TMEM232: variants seen among roughly 807,000 people sequenced by gnomAD.
TMEM232 encodes the protein transmembrane protein 232.
A neutral mutation model predicts 78.8 loss-of-function variants in TMEM232; 80 were observed. That is an observed-to-expected ratio of 1.01 (90% CI 0.85 to 1.22). The LOEUF is 1.22. Ranked by LOEUF, TMEM232 falls within the 50% of genes most tolerant of loss-of-function variation. The probability of loss-of-function intolerance (pLI) is 0.00; values close to 1 mark genes in which losing one functional copy is unlikely to be tolerated. For synonymous variants in TMEM232, 297 were observed against 254.3 expected (o/e 1.17, Z -1.60); for missense variants, 881 against 742.2 (o/e 1.19, Z -2.17).
At chr5:110,677,266 G>C (rs997057505) in intron 1 of TMEM232, among the ~76,000 whole-genome samples, 1 of 150,746 alleles carries the variant, frequency 6.6e-6, no homozygotes, top group Non-Finnish European at 1.5e-5. Flanking sequence ...TGAGTTGTTT[G>C]AGTCCCTTAA....
intron 12 of TMEM232, among the ~76,000 whole-genome samples, chr5:110,526,115 G>T (rs1770561215): frequency 6.7e-6 from 1 of 149,190 alleles, no homozygotes; most frequent in African/African-American, 2.5e-5. Context: ...GATAATATTG[G>T]TCACATTTTG....
chr5:110,657,856 A>G (rs1789293347), intron 2 of TMEM232, among the ~76,000 whole-genome samples: 2 of 152,164 alleles, frequency 1.3e-5, no homozygotes, highest in Non-Finnish European at 2.9e-5. Flanking sequence ...GCTAATCAAT[A>G]TATAGAGAAA....
intron 2 of TMEM232, among the ~76,000 whole-genome samples, chr5:110,653,808 T>C (rs1245212570): frequency 6.6e-6 from 1 of 152,106 alleles, no homozygotes; most frequent in Admixed American, 6.6e-5. Context: ...GATTTACCTA[T>C]GAGACATCCA....
intron 12 of TMEM232, among the ~76,000 whole-genome samples, chr5:110,476,912 CAG>C (rs2149386984): frequency 6.6e-6 from 1 of 152,080 alleles, no homozygotes; most frequent in African/African-American, 2.4e-5. Context: ...CACCAACAGA[CAG>C]AGGATGATAA....
At chr5:110,588,490 T>C (rs933578503) in intron 10 of TMEM232, among the ~76,000 whole-genome samples, 6 of 151,968 alleles carry the variant, frequency 3.9e-5, no homozygotes, top group African/African-American at 1.5e-4. Flanking sequence ...CTACAAAAAA[T>C]TACCACAAGA....
At chr5:110,395,010 A>C (rs756033672) in intron 3 of TMEM232, among the ~76,000 whole-genome samples, 2 of 152,074 alleles carry the variant, frequency 1.3e-5, no homozygotes, top group African/African-American at 4.8e-5. Flanking sequence ...TTCACCTGGC[A>C]TTGTTTTTCT....
At chr5:110,727,441 T>G (rs1798268552), upstream of TMEM232, among the ~76,000 whole-genome samples, 1 of 152,146 alleles carries the variant, frequency 6.6e-6, no homozygotes, top group African/African-American at 2.4e-5. Flanking sequence ...GAAACCCGTC[T>G]CTACTAAAAA....
intron 1 of TMEM232, among the ~76,000 whole-genome samples, chr5:110,722,626 C>T (rs1797760374): frequency 6.6e-6 from 1 of 152,116 alleles, no homozygotes; most frequent in Non-Finnish European, 1.5e-5. Context: ...AGCTTAAATG[C>T]CTTTATACCT....
intron 2 of TMEM232, among the ~76,000 whole-genome samples, chr5:110,733,315 C>T (rs1798852598): frequency 6.6e-6 from 1 of 152,118 alleles, no homozygotes; most frequent in Admixed American, 6.5e-5. Context: ...ATCAGAACTA[C>T]CACTTGACCC....
chr5:110,699,855 C>A (rs957587266), intron 1 of TMEM232, among the ~76,000 whole-genome samples: 4 of 152,028 alleles, frequency 2.6e-5, no homozygotes, highest in African/African-American at 9.7e-5. Flanking sequence ...CCTTCAATAA[C>A]CTATATCTCC....
chr5:110,462,386 G>T (rs1308082709), intron 12 of TMEM232, among the ~76,000 whole-genome samples: 2 of 152,148 alleles, frequency 1.3e-5, no homozygotes, highest in Non-Finnish European at 2.9e-5. Context: ...CGAGTTAGTG[G>T]ACTGGAAAAG....
chr5:110,737,355 GT>G (rs1414481402), intron 1 of TMEM232, among the ~76,000 whole-genome samples: 3 of 151,918 alleles, frequency 2.0e-5, no homozygotes, highest in Non-Finnish European at 4.4e-5. Context: ...ATAAACATAT[GT>G]ATGTTATCCA....
chr5:110,420,778 A>G, intron 13 of TMEM232, 22 bp from the exon 14 acceptor site: 1 of 1,486,678 alleles, frequency 6.7e-7, no homozygotes. Flanking sequence ...AGAAAACGTC[A>G]TTCACATGAT....
intron 1 of TMEM232, among the ~76,000 whole-genome samples, chr5:110,718,113 A>C (rs1330232693): frequency 6.6e-6 from 1 of 152,162 alleles, no homozygotes; most frequent in Non-Finnish European, 1.5e-5. Context: ...TATTAAAATT[A>C]TACATATTTG....
In TMEM232 at chr5:110,692,013, T is replaced by G. The variant is rs187554906; in HGVS notation, c.-12-24649A>C. Among the ~76,000 whole-genome samples, 708 of 152,236 alleles carry G rather than the reference T, an allele frequency of 4.7e-3. 6 individuals are homozygous for G. The highest frequency in any genetic ancestry group is 0.017 in the African/African-American group (688 of 41,548). ...TCGGCTCACTGCAAGCCCCACCTCC[T>G]GGGTTCAAGCCATTCTCTTGCCTCA... On this transcript the variant is annotated intron_variant, in intron 1 of 13. Transcript: ENST00000455884.
At chr5:110,618,254 T>C (rs954634996) in intron 8 of TMEM232, among the ~76,000 whole-genome samples, 175 bp downstream of exon 8, 11 of 152,144 alleles carry the variant, frequency 7.2e-5, no homozygotes, top group African/African-American at 2.7e-4. Context: ...AAACGATGTA[T>C]TGATGAAATG....
chr5:110,643,973 T>C (rs1787099686), intron 2 of TMEM232, among the ~76,000 whole-genome samples: 1 of 152,004 alleles, frequency 6.6e-6, no homozygotes, highest in Non-Finnish European at 1.5e-5. Flanking sequence ...TATTAATTCA[T>C]TTACTAAGAA....
intron 10 of TMEM232, among the ~76,000 whole-genome samples, chr5:110,571,194 G>A: frequency 6.6e-6 from 1 of 151,994 alleles, no homozygotes; most frequent in Admixed American, 6.6e-5. Context: ...TAAACTACTG[G>A]AGAAGAGAGA....
chr5:110,491,383 G>A (rs1308025852), intron 12 of TMEM232, among the ~76,000 whole-genome samples: 3 of 152,020 alleles, frequency 2.0e-5, no homozygotes, highest in East Asian at 3.8e-4. Context: ...ATAAAATGGT[G>A]CAGTTGGTTT....
Sources: gnomAD v4.1 joint callset for allele counts (sites outside exome capture counted in the v4.1 genomes callset) on GRCh38, gnomAD v4.1.1 for gene constraint, MANE v1.5 for transcripts, NCBI Gene and HGNC (gene_info 2026-07-23, HGNC 2026-07-21) for gene names.